HERC1: variants seen among roughly 807,000 people sequenced by gnomAD.
HERC1 encodes probable E3 ubiquitin-protein ligase HERC1.
Under a neutral mutation model 554.3 loss-of-function variants are expected in HERC1, and 160 were observed. That is an observed-to-expected ratio of 0.29 (90% CI 0.25 to 0.33). The LOEUF (loss-of-function observed/expected upper bound fraction) is 0.33, where lower values mean the gene tolerates loss of function less well. HERC1 is among the 10% of genes least tolerant of loss of function. The pLI is 1.00. For missense variants in HERC1, 4,919 were observed against 5,918.5 expected, an observed-to-expected ratio of 0.83 and a Z score of 5.54; for synonymous variants, 2,175 against 2,131.7, an observed-to-expected ratio of 1.02 and a Z score of -0.56.
chr15:63,833,753 G>GCGCGCGCACACACA (rs1340096449), intron 1 of HERC1, 74 bp downstream of exon 1: 1 of 46,456 alleles, frequency 2.2e-5, no homozygotes, highest in African/African-American at 5.7e-5. Flanking sequence ...ACGCGCGCGC[G>GCGCGCGCACACACA]CACACACACA....
chr15:63,818,990 A>G (rs1308550717), intron 1 of HERC1, among the ~76,000 whole-genome samples: 1 of 152,240 alleles, frequency 6.6e-6, no homozygotes, highest in African/African-American at 2.4e-5. Context: ...GGCTTTTGGT[A>G]TAACAAACAT....
In HERC1 at chr15:63,627,872, A is replaced by G. The variant is rs543208815; in HGVS notation, c.13105+805T>C. 3.3e-5 allele frequency among the ~76,000 whole-genome samples: 5 copies of G among 152,364 alleles called. No homozygotes were observed. In the East Asian group the frequency reaches 5.8e-4, roughly 18 times the overall value. ...CTTTGTGTAGCTATACAAAAATTTC[A>G]TAATAAATTAAAAATAAAACAAACA... On this transcript the variant is annotated intron_variant, in intron 70 of 77. Transcript: ENST00000443617.
At position 63,718,479 on chromosome 15, in the gene HERC1, T is replaced by C. The variant is rs2073668834; in HGVS notation, c.3978+95A>G. ...CTCAACATGTATTGAACATATGCAA[T>C]AACCAAGGCACATTTTTTTCTCACA... is the stretch of plus-strand genomic sequence containing the variant. On this transcript the variant is annotated intron_variant, in intron 21 of 77. Transcript: ENST00000443617. This position sits in a 1 kb window ranked among gnomAD's most constrained non-coding sequence, Gnocchi z 4.2. 1.8e-5 allele frequency: 22 copies of C among 1,244,412 alleles called. No individual in the cohort carries two copies. The South Asian group carries it at 3.1e-4, about 18-fold the overall frequency. 77.1% of individuals were successfully genotyped at this position (1,244,412 alleles called of 1,614,324 possible).
intron 1 of HERC1, among the ~76,000 whole-genome samples, chr15:63,815,024 C>T (rs1172630148): frequency 1.3e-5 from 2 of 152,152 alleles, no homozygotes; most frequent in African/African-American, 4.8e-5. Flanking sequence ...ATCTGAAATT[C>T]TGTATTAACA....
intron 1 of HERC1, among the ~76,000 whole-genome samples, chr15:63,788,916 T>C (rs527249589): frequency 1.3e-5 from 2 of 150,376 alleles, no homozygotes; most frequent in Non-Finnish European, 3.0e-5. Flanking sequence ...AATGAGAAAG[T>C]ACATTAATAG....
In HERC1 at chr15:63,727,971, G is replaced by C; in HGVS notation, c.3155-133C>G. ...CAACTCTCTGTTGAACACCTACCTGGTAGCTGATGTAGTATCAGTGTTTAT... is the reference window on the plus strand; with the variant it reads ...CAACTCTCTGTTGAACACCTACCTGCTAGCTGATGTAGTATCAGTGTTTAT... On this transcript the variant is annotated intron_variant, in intron 16 of 77. Coordinates refer to ENST00000443617, the MANE Select transcript of HERC1 (RefSeq NM_003922.4). The surrounding 1 kb of genome is among the most constrained non-coding windows in gnomAD (Gnocchi z 4.3). 1.6e-6 allele frequency: 1 copy of C among 630,606 alleles called. No individual in the cohort carries two copies. Among genetic ancestry groups the C allele is most frequent in the Non-Finnish European group, 2.7e-6 (1 of 363,846 alleles). The allele number at this position is 630,606 out of a possible 1,614,324, so 39.1% of individuals were successfully genotyped here.
rs747759485 is a variant in HERC1 at position 63,615,851 on chromosome 15, T to C, written c.14011A>G (p.Asn4671Asp). ...GKMVPIIPGG[N>D]SIPLTFSNRK... is the part of the protein sequence containing the mutation. ...TTGGAAAATGTGAGTGGGATACTAT[T>C]TCCACCAGGGATTATAGGAACCATT... The change falls in exon 76 of 78, where the codon AAT becomes GAT. Residue 4671 changes from asparagine (N) to aspartate (D), a missense_variant. Coordinates refer to ENST00000443617, the MANE Select transcript of HERC1 (RefSeq NM_003922.4). The C allele has an allele frequency of 6.2e-7, 1 of 1,607,948 alleles. No individual in the cohort carries two copies. Among genetic ancestry groups the C allele is most frequent in the Non-Finnish European group, 8.5e-7 (1 of 1,177,658 alleles).
intron 25 of HERC1, among the ~76,000 whole-genome samples, chr15:63,700,708 C>CAAAATAA (rs2072669688): frequency 1.5e-5 from 1 of 64,582 alleles, no homozygotes; most frequent in Admixed American, 2.0e-4. Flanking sequence ...GACCCTGCCT[C>CAAAATAA]AAAAAAAAAA....
rs1170980655 is a variant in HERC1 at position 63,632,506 on chromosome 15, G to A, written c.12796+203C>T. 14 of 646,366 alleles carry A rather than the reference G, an allele frequency of 2.2e-5. No homozygotes were observed. The Admixed American group carries it at 2.9e-4, about 14-fold the overall frequency. 40.0% of individuals were successfully genotyped at this position (646,366 alleles called of 1,614,324 possible). ...CAAGAGTGCTGGCTCTGGCATAAGG[G>A]GTCTTAATGGGGAGGGGAGTTTGTC... On this transcript the variant is annotated intron_variant, in intron 68 of 77. Transcript: ENST00000443617.
chr15:63,711,015 G>A (rs954983282), intron 24 of HERC1, among the ~76,000 whole-genome samples: 3 of 152,138 alleles, frequency 2.0e-5, no homozygotes, highest in African/African-American at 7.2e-5. Flanking sequence ...GCAGAGAAAC[G>A]ACATGATCTA....
chr15:63,696,382 G>T, intron 26 of HERC1, 43 bp from the exon 27 acceptor site: 1 of 1,420,056 alleles, frequency 7.0e-7, no homozygotes, highest in Non-Finnish European at 9.8e-7. Context: ...ACTTAACTCA[G>T]ACATGATGAA....
chr15:63,711,963 G>A (rs2202867), intron 24 of HERC1, among the ~76,000 whole-genome samples: 75,965 of 151,966 alleles, frequency 0.5, 19,902 homozygotes, highest in African/African-American at 0.54. Context: ...TCAAGTAGAA[G>A]CAATCTTCTA....
chr15:63,641,358 C>T (rs1168571985), intron 60 of HERC1, 112 bp downstream of exon 60: 1 of 830,766 alleles, frequency 1.2e-6, no homozygotes, highest in Non-Finnish European at 1.7e-6. Context: ...GCCCAAATAG[C>T]CCCACTTATT....
rs1472635204 is a variant in HERC1, at chr15:63,654,129, T to C, written c.10280A>G (p.His3427Arg). 1 of 1,611,556 alleles carries C rather than the reference T, an allele frequency of 6.2e-7. No individual in the cohort carries two copies. Among genetic ancestry groups the C allele is most frequent in the Admixed American group, 1.7e-5 (1 of 60,026 alleles). ...RKCSFIKLEA[H>R]QNRVMTCVWC... ...ACTCAAAATACTTACTCTGTTCTGATGAGCCTCCAATTTGATAAAGGAGCA... is the reference window on the plus strand; with the variant it reads ...ACTCAAAATACTTACTCTGTTCTGACGAGCCTCCAATTTGATAAAGGAGCA... The change falls in exon 51 of 78, where the codon CAT (histidine) becomes CGT (arginine). Residue 3427 changes from histidine to arginine, a missense_variant. His to Arg is a conservative substitution (Grantham distance 29). This residue lies in a region of HERC1 where 1,963 missense variants were observed against 2,228.6 expected (regional missense o/e 0.88). Transcript: ENST00000443617.
intron 40 of HERC1, among the ~76,000 whole-genome samples, chr15:63,667,415 A>AT (rs1447118396): frequency 6.6e-6 from 1 of 152,182 alleles, no homozygotes. Context: ...GGAAGATGAG[A>AT]TTAAAAAAAA....
rs1034377872 is a variant in HERC1 at position 63,633,881 on chromosome 15, G to A, written c.12660C>T (p.Gly4220=). ...AFGDGDYGKL[G]LGNSTAKSSP... is the part of the protein sequence containing the mutation. ...AAGATTTTGCAGTGGAATTTCCTAAGCCTAGTTTTCCATAGTCTCCATCTC... is the reference window on the plus strand; with the variant it reads ...AAGATTTTGCAGTGGAATTTCCTAAACCTAGTTTTCCATAGTCTCCATCTC... Residue 4220 remains glycine, a synonymous_variant, in exon 67 of 78, where the codon GGC becomes GGT. Coordinates refer to ENST00000443617, the MANE Select transcript of HERC1 (RefSeq NM_003922.4). 1.2e-6 allele frequency: 2 copies of A among 1,613,386 alleles called. No individual in the cohort carries two copies. Among genetic ancestry groups the A allele is most frequent in the Non-Finnish European group, 1.7e-6 (2 of 1,179,684 alleles).
intron 1 of HERC1, among the ~76,000 whole-genome samples, chr15:63,814,196 T>G (rs1035419849): frequency 4.6e-5 from 7 of 152,212 alleles, no homozygotes; most frequent in Non-Finnish European, 1.0e-4. Context: ...ACATCATAAT[T>G]TAACAATGAT....
intron 74 of HERC1, among the ~76,000 whole-genome samples, chr15:63,617,302 T>A (rs1028495986): frequency 6.6e-5 from 10 of 152,212 alleles, no homozygotes; most frequent in African/African-American, 9.6e-5. Flanking sequence ...AGAATGATGG[T>A]TTCCAGCTTC....
At chr15:63,698,419 C>CAAAA (rs57040637) in intron 26 of HERC1, among the ~76,000 whole-genome samples, 3 of 80,696 alleles carry the variant, frequency 3.7e-5, no homozygotes, top group Non-Finnish European at 7.5e-5. Flanking sequence ...ACTCCGTCTC[C>CAAAA]AAAAAAAAAA....
Sources: gnomAD v4.1 joint callset for allele counts (sites outside exome capture counted in the v4.1 genomes callset) on GRCh38, gnomAD v4.1.1 for gene constraint, gnomAD v4.1.1 regional missense constraint, Gnocchi (gnomAD v3.1) non-coding constraint, MANE v1.5 for transcripts, NCBI Gene and HGNC (gene_info 2026-07-23, HGNC 2026-07-21) for gene names.